Variants in TRIM54 observed in about 807,000 individuals in gnomAD.
The protein encoded by TRIM54 is tripartite motif containing 54, also known as tripartite motif-containing protein 54.
TRIM54 carries 40 observed loss-of-function variants against 42.0 expected under a neutral mutation model. That is an observed-to-expected ratio of 0.95 (90% CI 0.74 to 1.24). TRIM54 has a LOEUF of 1.24. Among genes scored for constraint, TRIM54 ranks in the 50% most tolerant of loss-of-function variants. The pLI is 0.00. For missense variants in TRIM54, 485 were observed against 480.3 expected (o/e 1.01, Z -0.09); for synonymous variants, 199 against 194.9 (o/e 1.02, Z -0.17).
chr2:27,297,840 GC>G (rs1678906683), intron 1 of TRIM54, among the ~76,000 whole-genome samples: 1 of 151,994 alleles, frequency 6.6e-6, no homozygotes, highest in Non-Finnish European at 1.5e-5. Context: ...AATTATCTGG[GC>G]ATGGTGGCAC....
chr2:27,298,634 C>G lies in TRIM54; in HGVS notation c.236C>G (p.Pro79Arg). The change falls in exon 2 of 9, where the codon CCA becomes CGA. Residue 79 changes from proline (P) to arginine (R), a missense_variant. By Grantham distance (103) the Pro-to-Arg change is moderately radical. Transcript: ENST00000380075. The stretch of plus-strand genomic sequence containing the variant: ...TCTTCAGGAGGCCGTTTCCGCTGCC[C>G]ATCGTGCAGGCATGAGGTTGTCCTG... ...TVSSGGRFRC[P>R]SCRHEVVLDR... The G allele has an allele frequency of 6.2e-7, 1 of 1,614,170 alleles. No individual in the cohort carries two copies. The highest frequency in any genetic ancestry group is 8.5e-7 in the Non-Finnish European group (1 of 1,180,024).
intron 1 of TRIM54, among the ~76,000 whole-genome samples, chr2:27,294,122 T>C (rs1678800713): frequency 6.6e-6 from 1 of 151,858 alleles, no homozygotes; most frequent in South Asian, 2.1e-4. Context: ...GGTTTTTTTG[T>C]TTTGTTTTTT....
At position 27,298,440 on chromosome 2, in the gene TRIM54, G is replaced by A. The variant is rs575471422; in HGVS notation, c.169-127G>A. The A allele has an allele frequency of 4.3e-5, 30 of 695,636 alleles. No individual in the cohort carries two copies. In the Admixed American group the frequency reaches 6.4e-4, roughly 15 times the overall value. 43.1% of individuals were successfully genotyped at this position (695,636 alleles called of 1,614,324 possible). Reference sequence around the variant, plus strand: ...GCTCTCAGAGGTGGATCCAGCCACAGAGAAGAGCTGACATCTTCCCCTCCA... The same window carrying A: ...GCTCTCAGAGGTGGATCCAGCCACAAAGAAGAGCTGACATCTTCCCCTCCA... On this transcript the variant is annotated intron_variant, in intron 1 of 8. Coordinates refer to ENST00000380075, the MANE Select transcript of TRIM54 (RefSeq NM_187841.3).
At chr2:27,299,443 T>G (rs1338243435) in intron 3 of TRIM54, 27 bp downstream of exon 3, 1 of 1,609,520 alleles carries the variant, frequency 6.2e-7, no homozygotes. Flanking sequence ...GGAGTAGATA[T>G]GTGAGAGATG....
rs1156511889 is a variant in TRIM54, at chr2:27,282,686, G to C, written c.-46G>C. ...GCGAGGAAGGGTCTACAGGCAGTGA[G>C]TGAAGGCCAGGAGCAGGGCCCAGGC... On this transcript the variant is annotated 5_prime_UTR_variant, in exon 1 of 9. Coordinates refer to ENST00000380075, the MANE Select transcript of TRIM54 (RefSeq NM_187841.3). 6.3e-7 allele frequency: 1 copy of C among 1,574,856 alleles called. No individual in the cohort carries two copies. The highest frequency in any genetic ancestry group is 8.6e-7 in the Non-Finnish European group (1 of 1,163,556).
chr2:27,303,759 C>A (rs1293760291), intron 3 of TRIM54, among the ~76,000 whole-genome samples: 1 of 152,004 alleles, frequency 6.6e-6, no homozygotes, highest in Non-Finnish European at 1.5e-5. Flanking sequence ...AAACGTAATC[C>A]ATGAGTGAAG....
At chr2:27,304,037 C>T (rs946035789) in intron 3 of TRIM54, among the ~76,000 whole-genome samples, 2 of 151,810 alleles carry the variant, frequency 1.3e-5, no homozygotes, top group Admixed American at 1.3e-4. Flanking sequence ...AATGTTGAAA[C>T]CCCGTCTACA....
chr2:27,286,310 G>A (rs1047811004), intron 1 of TRIM54, among the ~76,000 whole-genome samples: 6 of 151,786 alleles, frequency 4.0e-5, no homozygotes, highest in African/African-American at 9.7e-5. Flanking sequence ...GCCCATGTCC[G>A]CAAACATTTT....
At chr2:27,299,126 A>T in intron 2 of TRIM54, 119 bp from the exon 3 acceptor site, 1 of 1,163,290 alleles carries the variant, frequency 8.6e-7, no homozygotes, top group South Asian at 1.4e-5. Context: ...TCACCAGTTC[A>T]GCCACAGCAC....
At chr2:27,298,223 C>G (rs1242636794) in intron 1 of TRIM54, among the ~76,000 whole-genome samples, 1 of 152,168 alleles carries the variant, frequency 6.6e-6, no homozygotes, top group Non-Finnish European at 1.5e-5. Flanking sequence ...ACTCAGAGTT[C>G]ATTTCCTGCC....
chr2:27,298,668 CG>C lies in TRIM54; in HGVS notation c.272del (p.Gly91ValfsTer10). The C allele has an allele frequency of 6.2e-7, 1 of 1,614,186 alleles. No homozygotes were observed. The highest frequency in any genetic ancestry group is 8.5e-7 in the Non-Finnish European group (1 of 1,180,028). On this transcript the variant is annotated frameshift_variant, in exon 2 of 9. Transcript: ENST00000380075. LOFTEE classifies it high-confidence loss of function. ...GGCATGAGGTTGTCCTGGACAGACA[CG>C]GTGTCTACGGCCTGCAGCGAAACCT... is the stretch of plus-strand genomic sequence containing the variant. ...CRHEVVLDRH[G>X]VYGLQRNLLV...
chr2:27,292,967 A>AT (rs1314456719), intron 1 of TRIM54, among the ~76,000 whole-genome samples: 2 of 151,972 alleles, frequency 1.3e-5, no homozygotes, highest in Non-Finnish European at 2.9e-5. Flanking sequence ...CTGTGTTGAT[A>AT]TTTACTTGAT....
chr2:27,300,881 A>G (rs1679017858), intron 3 of TRIM54, among the ~76,000 whole-genome samples: 2 of 152,054 alleles, frequency 1.3e-5, no homozygotes, highest in Admixed American at 1.3e-4. Context: ...CAAACATACA[A>G]TATTAAAAAG....
chr2:27,301,786 C>G (rs1021935738), intron 3 of TRIM54, among the ~76,000 whole-genome samples: 8 of 152,048 alleles, frequency 5.3e-5, no homozygotes, highest in Non-Finnish European at 1.0e-4. Flanking sequence ...TTACCCAGCC[C>G]CTATTCAAGA....
rs772619318 is a variant in TRIM54 at position 27,306,458 on chromosome 2, G to C, written c.994G>C (p.Ala332Pro). Reference protein sequence around the residue: ...MLRTIDFQPGASGEEEEVAPD... With the variant: ...MLRTIDFQPGPSGEEEEVAPD... ...CACCAGGCCTTCCTTGGGCTCAGGC[G>C]CTTCCGGGGAGGAAGAGGAGGTGGC... Residue 332 changes from alanine to proline, a missense_variant and splice_region_variant, in exon 8 of 9, where the codon GCT becomes CCT. Physicochemically the swap from Ala to Pro is conservative, Grantham distance 27. Transcript: ENST00000380075. The surrounding 1 kb of genome is among the most constrained non-coding windows in gnomAD (Gnocchi z 6.1). 6 of 1,598,376 alleles carry C rather than the reference G, an allele frequency of 3.8e-6. No individual in the cohort carries two copies. The highest frequency in any genetic ancestry group is 5.1e-6 in the Non-Finnish European group (6 of 1,172,368).
At chr2:27,291,360 C>CAAAAA (rs1336456617) in intron 1 of TRIM54, among the ~76,000 whole-genome samples, 1 of 151,768 alleles carries the variant, frequency 6.6e-6, no homozygotes, top group African/African-American at 2.4e-5. Context: ...TGTCGCAAAA[C>CAAAAA]AAAAACAAAC....
chr2:27,299,297 GAGA>G lies in TRIM54; in HGVS notation c.398_400del (p.Lys133del), dbSNP rs1558587745. 1 of 1,613,788 alleles carries G rather than the reference GAGA, an allele frequency of 6.2e-7. No homozygotes were observed. Among genetic ancestry groups the G allele is most frequent in the Non-Finnish European group, 8.5e-7 (1 of 1,180,044 alleles). ...CCTCATGTGCGAGGAGCATGAAGAA[GAGA>G]AGATCAATATTTACTGCCTGAGCTG... On this transcript the variant is annotated inframe_deletion, in exon 3 of 9. Coordinates refer to ENST00000380075, the MANE Select transcript of TRIM54 (RefSeq NM_187841.3).
At position 27,306,125 on chromosome 2, in the gene TRIM54, G is replaced by T; in HGVS notation, c.866+23G>T. On this transcript the variant is annotated intron_variant, in intron 6 of 8. Coordinates refer to ENST00000380075, the MANE Select transcript of TRIM54 (RefSeq NM_187841.3). The surrounding 1 kb of genome is among the most constrained non-coding windows in gnomAD (Gnocchi z 6.1). The stretch of plus-strand genomic sequence containing the variant: ...TAAGTGAGTAGGCATAGCGGGAAGG[G>T]AAAGGAGGGGGCTGCACTGCTCCAC... 6.2e-7 allele frequency: 1 copy of T among 1,614,080 alleles called. No homozygotes were observed. Among genetic ancestry groups the T allele is most frequent in the Non-Finnish European group, 8.5e-7 (1 of 1,180,028 alleles).
At position 27,282,891 on chromosome 2, in the gene TRIM54, G is replaced by A. The variant is rs988891315; in HGVS notation, c.160G>A (p.Val54Ile). 6.2e-6 allele frequency: 10 copies of A among 1,611,688 alleles called. No individual in the cohort carries two copies. The highest frequency in any genetic ancestry group is 3.3e-5 in the South Asian group (3 of 90,564). Residue 54 changes from valine (V) to isoleucine (I), a missense_variant, in exon 1 of 9, where the codon GTC becomes ATC. Coordinates refer to ENST00000380075, the MANE Select transcript of TRIM54 (RefSeq NM_187841.3). Reference protein sequence around the residue: ...HNLCRKCANDVFQASNPLWQS... With the variant: ...HNLCRKCANDIFQASNPLWQS... ...CCTGTGCCGCAAATGTGCCAACGAC[G>A]TCTTCCAGGTGGGTGCCAGGGACGG... is the stretch of plus-strand genomic sequence containing the variant.
Sources: allele counts gnomAD v4.1 joint callset (sites outside exome capture counted in the v4.1 genomes callset), GRCh38; gene constraint gnomAD v4.1.1; non-coding constraint Gnocchi (gnomAD v3.1); transcripts MANE v1.5; gene names NCBI Gene and HGNC (gene_info 2026-07-23, HGNC 2026-07-21).